The following CLTC variants were observed in gnomAD, a reference collection of about 807,000 sequenced individuals.
CLTC encodes clathrin heavy chain, also known as clathrin heavy chain 1.
A neutral mutation model predicts 195.8 loss-of-function variants in CLTC; 16 were observed. The ratio of observed to expected loss-of-function variants is 0.08; its 90% CI spans 0.06 to 0.12. CLTC has a LOEUF of 0.12. Among genes scored for constraint, CLTC ranks in the 10% least tolerant of loss-of-function variants. The probability of loss-of-function intolerance (pLI) is 1.00; values close to 1 mark genes in which losing one functional copy is unlikely to be tolerated. For missense variants in CLTC, 796 were observed against 2,027.0 expected (o/e 0.39, Z 11.66); for synonymous variants, 667 against 689.4 (o/e 0.97, Z 0.51).
chr17:59,644,523 G>GTT (rs763122941), intron 2 of CLTC, 40 bp downstream of exon 2: 3 of 1,408,502 alleles, frequency 2.1e-6, no homozygotes, highest in African/African-American at 3.1e-5. Context: ...CTCTTCCTAT[G>GTT]TTTTTGTTTT....
chr17:59,667,122 T>C, intron 13 of CLTC, 145 bp downstream of exon 13: 1 of 575,534 alleles, frequency 1.7e-6, no homozygotes, highest in South Asian at 2.4e-5. Flanking sequence ...ATTCAATATA[T>C]GTCAAGGCCC....
intron 2 of CLTC, among the ~76,000 whole-genome samples, chr17:59,645,404 C>T (rs1285303671): frequency 1.3e-5 from 2 of 152,158 alleles, no homozygotes; most frequent in Non-Finnish European, 2.9e-5. Flanking sequence ...TAAGTCTAAA[C>T]AGAGTTCAAA....
rs113192943 is a variant in CLTC, at chr17:59,651,226, A to G, written c.705A>G (p.Thr235=). The G allele has an allele frequency of 6.2e-7, 1 of 1,612,564 alleles. No homozygotes were observed. The highest frequency in any genetic ancestry group is 8.5e-7 in the Non-Finnish European group (1 of 1,178,796). ...AGTTACATATTATTGAAGTTGGCAC[A>G]CCACCTACAGGGAACCAGCCCTTTC... ...GGKLHIIEVG[T]PPTGNQPFPK... is the part of the protein sequence containing the mutation. Residue 235 remains threonine, a synonymous_variant, in exon 5 of 32, where the codon ACA becomes ACG. Coordinates refer to ENST00000269122, the MANE Select transcript of CLTC (RefSeq NM_004859.4).
intron 10 of CLTC, among the ~76,000 whole-genome samples, chr17:59,665,191 C>T (rs2032700930): frequency 6.6e-6 from 1 of 150,776 alleles, no homozygotes; most frequent in South Asian, 2.1e-4. Flanking sequence ...TGCCATTGGA[C>T]TCCAACCTGG....
Position 59,682,298 on chromosome 17 carries a change from T to C in CLTC, c.3470T>C (p.Leu1157Ser). 6.2e-7 allele frequency: 1 copy of C among 1,614,084 alleles called. No individual in the cohort carries two copies. The highest frequency in any genetic ancestry group is 8.5e-7 in the Non-Finnish European group (1 of 1,179,944). ...AACTGGGAAGAACTGGTGAAGTACT[T>C]GCAGATGGCCCGTAAGAAGGCTCGA... The part of the protein sequence containing the change: ...SGNWEELVKY[L>S]QMARKKARES... Residue 1157 changes from leucine (L) to serine (S), a missense_variant, in exon 22 of 32, where the codon TTG becomes TCG. Leu to Ser is a moderately radical substitution (Grantham distance 145). Coordinates refer to ENST00000269122, the MANE Select transcript of CLTC (RefSeq NM_004859.4). The surrounding 1 kb of genome is among the most constrained non-coding windows in gnomAD (Gnocchi z 6.8).
Position 59,696,347 on chromosome 17 carries a change from C to T in CLTC, c.*2495C>T. 4.5e-6 allele frequency: 1 copy of T among 220,844 alleles called. No individual in the cohort carries two copies. The highest frequency in any genetic ancestry group is 6.7e-5 in the East Asian group (1 of 15,032). The allele number at this position is 220,844 out of a possible 1,614,324, so 13.7% of individuals were successfully genotyped here. A position where few individuals can be genotyped will look rare whatever the true frequency, so the allele number is the denominator to read the frequency against. On this transcript the variant is annotated 3_prime_UTR_variant, in exon 32 of 32. Transcript: ENST00000269122. ...TCTTTAGTGTTCTGCCCACAATACT[C>T]CACCAATGACCTTAGACCTTGAGAT...
At chr17:59,623,961 A>G (rs892761756) in intron 1 of CLTC, among the ~76,000 whole-genome samples, 14 of 152,238 alleles carry the variant, frequency 9.2e-5, no homozygotes, top group African/African-American at 2.7e-4. Flanking sequence ...AAGTTTGAAG[A>G]TTTATCTCAC....
At chr17:59,686,348 C>T (rs1412991640) in intron 30 of CLTC, among the ~76,000 whole-genome samples, 6 of 151,066 alleles carry the variant, frequency 4.0e-5, no homozygotes, top group Admixed American at 3.3e-4. Context: ...ATTCACTATT[C>T]GTCTTAGTGT....
intron 1 of CLTC, among the ~76,000 whole-genome samples, chr17:59,628,570 CG>C (rs2031618414): frequency 6.6e-6 from 1 of 152,140 alleles, no homozygotes; most frequent in African/African-American, 2.4e-5. Flanking sequence ...CTGCATCCGT[CG>C]ATTTCTGGAG....
At position 59,685,829 on chromosome 17, in the gene CLTC, A is replaced by G. The variant is rs1464848203; in HGVS notation, c.4827+21A>G. The stretch of plus-strand genomic sequence containing the variant: ...CAAAGGTAATGACTCTTCTAAGTGT[A>G]TTCAGAACTAGTTTCCTTGCATGTA... On this transcript the variant is annotated intron_variant, in intron 30 of 31. Transcript: ENST00000269122. The surrounding 1 kb of genome is among the most constrained non-coding windows in gnomAD (Gnocchi z 5.0). 1 of 1,537,536 alleles carries G rather than the reference A, an allele frequency of 6.5e-7. No individual in the cohort carries two copies.
chr17:59,683,123 C>T lies in CLTC; in HGVS notation c.3902C>T (p.Thr1301Ile), dbSNP rs373338446. The change falls in exon 25 of 32, where the codon ACC becomes ATC. Residue 1301 changes from threonine (T) to isoleucine (I), a missense_variant. Thr to Ile is a moderately conservative substitution (Grantham distance 89, BLOSUM62 -1). Around this residue, in one of 9 missense-constraint regions of CLTC, gnomAD observed 102 missense variants for 317.6 expected, o/e 0.32. Coordinates refer to ENST00000269122, the MANE Select transcript of CLTC (RefSeq NM_004859.4). This position sits in a 1 kb window ranked among gnomAD's most constrained non-coding sequence, Gnocchi z 6.1. ...CGTGGCTATTTTGAAGAGCTGATCACCATGTTGGAAGCAGCACTGGGACTT... is the reference window on the plus strand; with the variant it reads ...CGTGGCTATTTTGAAGAGCTGATCATCATGTTGGAAGCAGCACTGGGACTT... ...QDRGYFEELITMLEAALGLER... is the reference protein window; with the variant it reads ...QDRGYFEELIIMLEAALGLER... 144 of 1,613,950 alleles carry T rather than the reference C, an allele frequency of 8.9e-5. No individual in the cohort carries two copies. Among genetic ancestry groups the T allele is most frequent in the Non-Finnish European group, 1.1e-4 (129 of 1,179,994 alleles).
intron 1 of CLTC, among the ~76,000 whole-genome samples, chr17:59,632,842 G>A (rs1424629867): frequency 1.3e-5 from 2 of 152,178 alleles, no homozygotes; most frequent in South Asian, 2.1e-4. Flanking sequence ...GAGCCTCTGA[G>A]AGCCTAAAAC....
chr17:59,681,337 C>A lies in CLTC; in HGVS notation c.3108C>A (p.Asp1036Glu). 6.2e-7 allele frequency: 1 copy of A among 1,613,896 alleles called. No individual in the cohort carries two copies. The highest frequency in any genetic ancestry group is 8.5e-7 in the Non-Finnish European group (1 of 1,179,916). Residue 1036 changes from aspartate to glutamate, a missense_variant, in exon 20 of 32, where the codon GAC (aspartate) becomes GAA (glutamate). Physicochemically the swap from Asp to Glu is conservative, Grantham distance 45. This residue lies in a region of CLTC where 160 missense variants were observed against 448.2 expected (regional missense o/e 0.36). Coordinates refer to ENST00000269122, the MANE Select transcript of CLTC (RefSeq NM_004859.4). The surrounding 1 kb of genome is among the most constrained non-coding windows in gnomAD (Gnocchi z 5.0). ...NLLILTAIKADRTRVMEYINR... is the reference protein window; with the variant it reads ...NLLILTAIKAERTRVMEYINR... ...TTATCCTCACTGCAATTAAGGCTGA[C>A]CGTACACGTGTTATGGAGTATATTA... is the stretch of plus-strand genomic sequence containing the variant.
chr17:59,692,732 G>A (rs1401517998), intron 31 of CLTC, among the ~76,000 whole-genome samples: 1 of 152,090 alleles, frequency 6.6e-6, no homozygotes, highest in Non-Finnish European at 1.5e-5. Flanking sequence ...TGCCTCCTGG[G>A]TTCAAGTGAT....
intron 6 of CLTC, among the ~76,000 whole-genome samples, chr17:59,659,289 C>T (rs138662459): frequency 6.4e-4 from 97 of 152,076 alleles, no homozygotes; most frequent in African/African-American, 2.2e-3. Context: ...GAGAAGGACT[C>T]CCTTTCTCTA....
Position 59,681,504 on chromosome 17 carries a change from A to C in CLTC, c.3249+26A>C. The C allele has an allele frequency of 6.2e-7, 1 of 1,611,942 alleles. No individual in the cohort carries two copies. The highest frequency in any genetic ancestry group is 1.7e-5 in the Admixed American group (1 of 59,952). The stretch of plus-strand genomic sequence containing the variant: ...GTAAATCTTCAGATTACCTAAGTTG[A>C]ATTACTAAACACTGTGCTATGAGGG... On this transcript the variant is annotated intron_variant, in intron 20 of 31. Transcript: ENST00000269122. This position sits in a 1 kb window ranked among gnomAD's most constrained non-coding sequence, Gnocchi z 5.0.
rs148608645 is a variant in CLTC, at chr17:59,632,027, G to T, written c.42+11854G>T. ...TAAATCCCAGAATTAAGTAAAAGTG[G>T]TGTGTGTGTGTTTGTGTGTGTGACA... On this transcript the variant is annotated intron_variant, in intron 1 of 31. Coordinates refer to ENST00000269122, the MANE Select transcript of CLTC (RefSeq NM_004859.4). Among the ~76,000 whole-genome samples, 3 of 151,458 alleles carry T rather than the reference G, an allele frequency of 2.0e-5. No individual in the cohort carries two copies. In the East Asian group the frequency reaches 5.8e-4, roughly 29 times the overall value.
At chr17:59,667,142 G>T in intron 13 of CLTC, 165 bp downstream of exon 13, 1 of 519,130 alleles carries the variant, frequency 1.9e-6, no homozygotes, top group South Asian at 2.8e-5. Flanking sequence ...CTTTTATGTT[G>T]GATTCTAAGG....
At position 59,693,186 on chromosome 17, in the gene CLTC, G is replaced by A. The variant is rs1264674546; in HGVS notation, c.4904-542G>A. Reference sequence around the variant, plus strand: ...GTTCAATACCAGCCTGGCCAACGTGGCAAAACCCTGTCTCTACTAAAAATA... The same window carrying A: ...GTTCAATACCAGCCTGGCCAACGTGACAAAACCCTGTCTCTACTAAAAATA... On this transcript the variant is annotated intron_variant, in intron 31 of 31. Coordinates refer to ENST00000269122, the MANE Select transcript of CLTC (RefSeq NM_004859.4). 3.3e-5 allele frequency among the ~76,000 whole-genome samples: 5 copies of A among 151,886 alleles called. No homozygotes were observed. The East Asian group carries it at 9.7e-4, about 29-fold the overall frequency.
Sources: gnomAD v4.1 joint callset for allele counts (sites outside exome capture counted in the v4.1 genomes callset) on GRCh38, gnomAD v4.1.1 for gene constraint, gnomAD v4.1.1 regional missense constraint, Gnocchi (gnomAD v3.1) non-coding constraint, MANE v1.5 for transcripts, NCBI Gene and HGNC (gene_info 2026-07-23, HGNC 2026-07-21) for gene names.